ANKS1A: variants seen among roughly 807,000 people sequenced by gnomAD.
ANKS1A encodes ankyrin repeat and sterile alpha motif domain containing 1A.
Under a neutral mutation model 120.3 loss-of-function variants are expected in ANKS1A, and 55 were observed. The observed-to-expected ratio is 0.46, with a 90% CI of 0.37 to 0.57. The LOEUF is 0.57. Ranked by LOEUF, ANKS1A falls within the 20% of genes least tolerant of loss-of-function variation. ANKS1A has a pLI of 0.00. For missense variants in ANKS1A, 1,123 were observed against 1,480.3 expected (o/e 0.76, Z 3.96); for synonymous variants, 590 against 604.7 (o/e 0.98, Z 0.36).
intron 9 of ANKS1A, among the ~76,000 whole-genome samples, chr6:34,991,739 TATAC>T (rs1167403315): frequency 1.0e-4 from 6 of 57,982 alleles, no homozygotes; most frequent in African/African-American, 3.8e-4. Flanking sequence ...TACACATATA[TATAC>T]ATATATACAC....
rs1201972282 is a variant in ANKS1A at position 35,041,469 on chromosome 6, TTTTCTTGATGTCTTTCCTGAGAAAATTTG to T, written c.2011-12628_2011-12600del. Among the ~76,000 whole-genome samples, 7 of 152,340 alleles carry T rather than the reference TTTTCTTGATGTCTTTCCTGAGAAAATTTG, an allele frequency of 4.6e-5. No individual in the cohort carries two copies. In the South Asian group the frequency reaches 1.0e-3, roughly 23 times the overall value. ...TGCCTTTCCTCTCCCTTCATGCCAC[TTTTCTTGATGTCTTTCCTGAGAAAATTTG>T]TACACTCCATAATTGCAACTTGCAA... On this transcript the variant is annotated intron_variant, in intron 11 of 23. Transcript: ENST00000360359.
intron 10 of ANKS1A, among the ~76,000 whole-genome samples, chr6:35,014,415 A>C (rs986919884): frequency 5.9e-5 from 9 of 152,168 alleles, no homozygotes; most frequent in African/African-American, 1.7e-4. Flanking sequence ...CTTCCTCCAC[A>C]TATTTCCTTC....
Position 35,017,997 on chromosome 6 carries a change from A to C in ANKS1A, c.1948A>C (p.Asn650His), listed in dbSNP as rs77553288. The C allele has an allele frequency of 1.2e-6, 2 of 1,614,122 alleles. No individual in the cohort carries two copies. Among genetic ancestry groups the C allele is most frequent in the East Asian group, 4.5e-5 (2 of 44,866 alleles). ...TMGSRSESLS[N>H]CSIGKKRLEK... ...GGGGAGTCGGAGTGAGTCCTTATCC[A>C]ACTGCAGCATTGGGAAGAAAAGGCT... Residue 650 changes from asparagine to histidine, a missense_variant, in exon 11 of 24, where the codon AAC becomes CAC. Physicochemically the swap from Asn to His is moderately conservative, Grantham distance 68 (BLOSUM62 1). This residue lies in a region of ANKS1A where 904 missense variants were observed against 1,130.4 expected (regional missense o/e 0.80). Coordinates refer to ENST00000360359, the MANE Select transcript of ANKS1A (RefSeq NM_015245.3).
intron 10 of ANKS1A, among the ~76,000 whole-genome samples, chr6:34,999,553 A>C (rs1274109597): frequency 1.3e-5 from 2 of 152,226 alleles, no homozygotes; most frequent in Non-Finnish European, 2.9e-5. Context: ...ATTTCAAGAA[A>C]GGATTTAAGG....
In ANKS1A at chr6:35,060,142, A is replaced by T. The variant is rs773490680; in HGVS notation, c.2078-5A>T. On this transcript the variant is annotated splice_region_variant and splice_polypyrimidine_tract_variant and intron_variant, in intron 12 of 23. Coordinates refer to ENST00000360359, the MANE Select transcript of ANKS1A (RefSeq NM_015245.3). This position sits in a 1 kb window ranked among gnomAD's most constrained non-coding sequence, Gnocchi z 4.5. ...TCAAGCGTCTGCCGATTCCTCTCTC[A>T]TCAGGTTTACGGACGCTGGAGCAGA... 1.2e-6 allele frequency: 2 copies of T among 1,612,450 alleles called. No homozygotes were observed. Among genetic ancestry groups the T allele is most frequent in the Non-Finnish European group, 8.5e-7 (1 of 1,179,184 alleles).
chr6:35,033,840 G>A (rs574254049), intron 11 of ANKS1A, among the ~76,000 whole-genome samples: 1 of 152,290 alleles, frequency 6.6e-6, no homozygotes, highest in Non-Finnish European at 1.5e-5. Flanking sequence ...TTCCCCAGGT[G>A]GACCTGAGCA....
At chr6:34,941,440 TA>T (rs1323177843) in intron 1 of ANKS1A, among the ~76,000 whole-genome samples, 2 of 152,078 alleles carry the variant, frequency 1.3e-5, no homozygotes, top group African/African-American at 2.4e-5. Context: ...TATTATTTTT[TA>T]TTTTTTTATA....
intron 10 of ANKS1A, among the ~76,000 whole-genome samples, chr6:35,006,979 C>T (rs1390278411): frequency 6.6e-6 from 1 of 151,754 alleles, no homozygotes; most frequent in East Asian, 1.9e-4. Context: ...ACCCTGTTCT[C>T]CACAAAAAAG....
At chr6:35,004,688 A>AGG (rs1773358004) in intron 10 of ANKS1A, among the ~76,000 whole-genome samples, 3 of 151,568 alleles carry the variant, frequency 2.0e-5, no homozygotes, top group Admixed American at 6.6e-5. Flanking sequence ...GAGGCCAAGG[A>AGG]AGGCTTACTT....
chr6:35,045,597 T>A (rs1005518514), intron 11 of ANKS1A, among the ~76,000 whole-genome samples: 1 of 152,158 alleles, frequency 6.6e-6, no homozygotes, highest in African/African-American at 2.4e-5. Flanking sequence ...TTTCATAGAG[T>A]GAAAGCGAGG....
intron 10 of ANKS1A, among the ~76,000 whole-genome samples, chr6:35,004,673 T>G (rs1442946842): frequency 1.1e-5 from 1 of 91,814 alleles, no homozygotes. Flanking sequence ...ATCCCAGTAC[T>G]TTGGGAGGCC....
chr6:35,089,259 G>C lies in ANKS1A; in HGVS notation c.*650G>C. The C allele has an allele frequency of 3.0e-6, 3 of 987,460 alleles. No individual in the cohort carries two copies. The highest frequency in any genetic ancestry group is 3.6e-6 in the Non-Finnish European group (3 of 831,218). The allele number at this position is 987,460 out of a possible 1,614,324, so 61.2% of individuals were successfully genotyped here. A position where few individuals can be genotyped will look rare whatever the true frequency, so the allele number is the denominator to read the frequency against. Reference sequence around the variant, plus strand: ...CTTAGAGGCACCTGAGCAACTCAAAGGTTTCCGGTCCATTTCTGGGGTTCC... The same window carrying C: ...CTTAGAGGCACCTGAGCAACTCAAACGTTTCCGGTCCATTTCTGGGGTTCC... On this transcript the variant is annotated 3_prime_UTR_variant, in exon 24 of 24. Coordinates refer to ENST00000360359, the MANE Select transcript of ANKS1A (RefSeq NM_015245.3).
chr6:35,079,989 T>C (rs1777586248), intron 16 of ANKS1A, 61 bp downstream of exon 16: 6 of 1,521,418 alleles, frequency 3.9e-6, no homozygotes, highest in Non-Finnish European at 3.6e-6. Flanking sequence ...AGGAATTACA[T>C]AGAATTCTTT....
chr6:34,998,345 C>T (rs1772962086), intron 10 of ANKS1A, among the ~76,000 whole-genome samples: 1 of 13,536 alleles, frequency 7.4e-5, no homozygotes, highest in South Asian at 9.3e-3. Context: ...AAAAAAACTA[C>T]AATGTGTGAG....
chr6:35,092,822 T>C (rs1303291528), downstream of ANKS1A, among the ~76,000 whole-genome samples: 1 of 152,146 alleles, frequency 6.6e-6, no homozygotes, highest in African/African-American at 2.4e-5. Flanking sequence ...CTCCACATCC[T>C]CATGAGCCTC....
chr6:34,966,908 C>A (rs1770920774), intron 1 of ANKS1A, among the ~76,000 whole-genome samples: 1 of 152,116 alleles, frequency 6.6e-6, no homozygotes, highest in African/African-American at 2.4e-5. Context: ...GAGGTCAATA[C>A]CTGTGACTGG....
At chr6:34,915,130 A>G (rs927569053) in intron 1 of ANKS1A, among the ~76,000 whole-genome samples, 2 of 152,236 alleles carry the variant, frequency 1.3e-5, no homozygotes, top group African/African-American at 2.4e-5. Flanking sequence ...CATCACTTAT[A>G]TTCATTTCCA....
chr6:35,040,347 C>T (rs956108470), intron 11 of ANKS1A, among the ~76,000 whole-genome samples: 5 of 152,222 alleles, frequency 3.3e-5, no homozygotes, highest in Non-Finnish European at 7.4e-5. Flanking sequence ...GCTGAATCTG[C>T]AGCTGCCTGC....
rs746951250 is a variant in ANKS1A, at chr6:34,982,855, C to T, written c.808+28C>T. ...GAGAGGTCGGCAGCGCTCTTGTCTA[C>T]ACAGCGTGCCAGGGTTGGGATTGTT... is the stretch of plus-strand genomic sequence containing the variant. On this transcript the variant is annotated intron_variant, in intron 5 of 23. Coordinates refer to ENST00000360359, the MANE Select transcript of ANKS1A (RefSeq NM_015245.3). The surrounding 1 kb of genome is among the most constrained non-coding windows in gnomAD (Gnocchi z 4.9). The T allele has an allele frequency of 6.2e-7, 1 of 1,613,912 alleles. No individual in the cohort carries two copies. The highest frequency in any genetic ancestry group is 2.2e-5 in the East Asian group (1 of 44,900).
Sources: gnomAD v4.1 joint callset for allele counts (sites outside exome capture counted in the v4.1 genomes callset) on GRCh38, gnomAD v4.1.1 for gene constraint, gnomAD v4.1.1 regional missense constraint, Gnocchi (gnomAD v3.1) non-coding constraint, MANE v1.5 for transcripts, NCBI Gene and HGNC (gene_info 2026-07-23, HGNC 2026-07-21) for gene names.